The following MYH11 variants were observed in gnomAD, a reference collection of about 807,000 sequenced individuals.
MYH11 encodes the protein myosin-11.
A neutral mutation model predicts 246.6 loss-of-function variants in MYH11; 80 were observed. The observed-to-expected ratio is 0.32, with a 90% CI of 0.27 to 0.39. The LOEUF is 0.39. MYH11 is among the 10% of genes least tolerant of loss of function. The pLI is 1.00. For missense variants in MYH11, 2,158 were observed against 2,546.8 expected (o/e 0.85, Z 3.29); for synonymous variants, 1,071 against 1,015.5 (o/e 1.05, Z -1.04).
intron 2 of MYH11, among the ~76,000 whole-genome samples, chr16:15,828,222 A>G (rs1376114362): frequency 6.6e-6 from 1 of 152,236 alleles, no homozygotes. Flanking sequence ...CAAGCCCTTC[A>G]TAGATGTGCT....
chr16:15,798,190 G>A (rs567141269), intron 4 of MYH11, among the ~76,000 whole-genome samples: 40 of 152,152 alleles, frequency 2.6e-4, no homozygotes, highest in Non-Finnish European at 5.3e-4. Context: ...TTCTGCCTAT[G>A]TACCTAGGTC....
intron 1 of MYH11, among the ~76,000 whole-genome samples, chr16:15,850,949 G>T (rs1470525390): frequency 6.6e-6 from 1 of 152,082 alleles, no homozygotes; most frequent in East Asian, 1.9e-4. Context: ...GTCATAAAGG[G>T]CTGGATACAG....
intron 11 of MYH11, 70 bp from the exon 12 acceptor site, chr16:15,759,798 G>C: frequency 6.3e-7 from 1 of 1,590,166 alleles, no homozygotes; most frequent in Non-Finnish European, 8.6e-7. Flanking sequence ...CAGGCTGGTG[G>C]TGAAGATTTT....
intron 27 of MYH11, among the ~76,000 whole-genome samples, chr16:15,731,494 T>TC (rs1481299337): frequency 1.3e-5 from 2 of 151,944 alleles, no homozygotes; most frequent in African/African-American, 4.8e-5. Context: ...TCATTCTTTT[T>TC]TTTTTTTCTT....
chr16:15,751,158 T>TATTATTATC (rs1425581429), intron 15 of MYH11, among the ~76,000 whole-genome samples: 13 of 143,860 alleles, frequency 9.0e-5, no homozygotes, highest in South Asian at 4.3e-4. Flanking sequence ...TTATTATTAT[T>TATTATTATC]ATCATTATTT....
chr16:15,835,915 T>G (rs1429258489), intron 2 of MYH11, among the ~76,000 whole-genome samples: 5 of 151,886 alleles, frequency 3.3e-5, no homozygotes. Context: ...CCACTGCACC[T>G]GGCTAATTTA....
chr16:15,779,666 AC>A (rs1419816625), intron 6 of MYH11, among the ~76,000 whole-genome samples: 1 of 152,114 alleles, frequency 6.6e-6, no homozygotes, highest in Non-Finnish European at 1.5e-5. Context: ...TGCATTGGCC[AC>A]ACTGCCCAAG....
intron 11 of MYH11, 119 bp downstream of exon 11, chr16:15,760,421 C>T (rs1184800395): frequency 7.1e-6 from 6 of 841,262 alleles, no homozygotes; most frequent in African/African-American, 1.7e-5. Flanking sequence ...TGGACAGATG[C>T]AGAGGCAGAC....
intron 10 of MYH11, 119 bp from the exon 11 acceptor site, chr16:15,760,777 C>T (rs1386071758): frequency 1.2e-6 from 1 of 800,130 alleles, no homozygotes; most frequent in African/African-American, 1.7e-5. Context: ...GGAAATGGGA[C>T]CCGCTGACCA....
chr16:15,717,435 C>T (rs1313131074), intron 37 of MYH11, 87 bp from the exon 38 acceptor site: 16 of 1,404,978 alleles, frequency 1.1e-5, no homozygotes, highest in Middle Eastern at 2.3e-4. Flanking sequence ...CCTTGTTTGG[C>T]CTCTGCACGA....
chr16:15,711,620 T>TA (rs2151181996), intron 40 of MYH11, among the ~76,000 whole-genome samples: 1 of 152,204 alleles, frequency 6.6e-6, no homozygotes, highest in African/African-American at 2.4e-5. Flanking sequence ...GCTGTGGTGG[T>TA]ATGAGAATGA....
rs754187827 is a variant in MYH11, at chr16:15,719,204, C to T, written c.5171+16G>A. The T allele has an allele frequency of 5.6e-6, 9 of 1,612,120 alleles. No homozygotes were observed. The South Asian group carries it at 7.7e-5, about 14-fold the overall frequency. On this transcript the variant is annotated intron_variant, in intron 36 of 40. Coordinates refer to ENST00000300036, the MANE Select transcript of MYH11 (RefSeq NM_002474.3). The stretch of plus-strand genomic sequence containing the variant: ...TCCTCTGCTTCAGAGCCCTCTTCCT[C>T]CATTCAGTTTCCTACCTTCCCGACA...
chr16:15,796,538 T>C (rs2151319765), intron 4 of MYH11, among the ~76,000 whole-genome samples: 1 of 152,320 alleles, frequency 6.6e-6, no homozygotes, highest in African/African-American at 2.4e-5. Context: ...TTTTGGTTCC[T>C]GGGGAGATGA....
intron 40 of MYH11, among the ~76,000 whole-genome samples, chr16:15,711,816 C>T (rs1054689076): frequency 9.9e-5 from 15 of 152,230 alleles, no homozygotes; most frequent in Admixed American, 9.2e-4. Context: ...CCTCAGCCTC[C>T]CTAGTAGCTG....
intron 28 of MYH11, chr16:15,725,408 T>C (rs900727168): frequency 1.8e-5 from 9 of 511,578 alleles, no homozygotes; most frequent in Non-Finnish European, 2.7e-5. Flanking sequence ...AGGATGGTAC[T>C]TGAACGTCCC....
intron 38 of MYH11, 115 bp downstream of exon 38, chr16:15,717,025 G>A (rs8059010): frequency 8.9e-7 from 1 of 1,123,058 alleles, no homozygotes; most frequent in Admixed American, 1.7e-5. Context: ...AGGCATCACA[G>A]AGCTTGCTTC....
At chr16:15,738,353 A>T (rs1205675517) in intron 24 of MYH11, among the ~76,000 whole-genome samples, 2 of 151,998 alleles carry the variant, frequency 1.3e-5, no homozygotes, top group Non-Finnish European at 2.9e-5. Flanking sequence ...AAAATAAAAA[A>T]TAAAAAAAAA....
At chr16:15,745,092 G>T (rs1482131974) in intron 20 of MYH11, 37 bp downstream of exon 20, 4 of 1,525,330 alleles carry the variant, frequency 2.6e-6, no homozygotes, top group Non-Finnish European at 3.6e-6. Flanking sequence ...AGCAGGGCTG[G>T]GGGCCCCTGG....
chr16:15,729,928 C>T (rs1363859094), intron 27 of MYH11, among the ~76,000 whole-genome samples: 3 of 151,870 alleles, frequency 2.0e-5, no homozygotes, highest in Non-Finnish European at 4.4e-5. Flanking sequence ...CTTGGTGATC[C>T]GCCTATCTCA....
Sources: allele counts gnomAD v4.1 joint callset (sites outside exome capture counted in the v4.1 genomes callset), GRCh38; gene constraint gnomAD v4.1.1; transcripts MANE v1.5; gene names NCBI Gene and HGNC (gene_info 2026-07-23, HGNC 2026-07-21).